DNMT1: variants seen among roughly 807,000 people sequenced by gnomAD.
DNMT1 encodes the protein DNA (cytosine-5)-methyltransferase 1.
DNMT1 carries 24 observed loss-of-function variants against 205.3 expected under a neutral mutation model. The observed-to-expected ratio is 0.12, with a 90% CI of 0.08 to 0.16. The LOEUF (loss-of-function observed/expected upper bound fraction) is 0.16. DNMT1 is among the 10% of genes least tolerant of loss of function. The pLI, the probability that DNMT1 is intolerant of heterozygous loss-of-function variation, is 1.00. For synonymous variants in DNMT1, 817 were observed against 839.8 expected (o/e 0.97, Z 0.47); for missense variants, 1,293 against 2,177.7 (o/e 0.59, Z 8.09).
At chr19:10,148,418 C>T (rs1384737951) in intron 27 of DNMT1, among the ~76,000 whole-genome samples, 1 of 150,668 alleles carries the variant, frequency 6.6e-6, no homozygotes, top group Non-Finnish European at 1.5e-5. Flanking sequence ...ATGGCATGAA[C>T]CCAGGAAGCT....
rs1394605344 is a variant in DNMT1 at position 10,137,793 on chromosome 19, G to A, written c.4293+39C>T. 1.9e-6 allele frequency: 3 copies of A among 1,601,660 alleles called. No individual in the cohort carries two copies. The highest frequency in any genetic ancestry group is 2.6e-6 in the Non-Finnish European group (3 of 1,174,990). ...ACTGTTCCCACGAGGCTGCTGGGCTGGGCCTCGAGGAGGAGCCGCTCTGTC... is the reference window on the plus strand; with the variant it reads ...ACTGTTCCCACGAGGCTGCTGGGCTAGGCCTCGAGGAGGAGCCGCTCTGTC... On this transcript the variant is annotated intron_variant, in intron 36 of 40. Transcript: ENST00000359526. The surrounding 1 kb of genome is among the most constrained non-coding windows in gnomAD (Gnocchi z 6.4).
At chr19:10,158,436 G>A (rs1469738147) in intron 17 of DNMT1, among the ~76,000 whole-genome samples, 1 of 152,206 alleles carries the variant, frequency 6.6e-6, no homozygotes, top group Non-Finnish European at 1.5e-5. Context: ...GCCTGGGGGT[G>A]CTTCCAACAG....
chr19:10,176,276 C>G (rs1346766118), intron 6 of DNMT1, among the ~76,000 whole-genome samples: 1 of 152,044 alleles, frequency 6.6e-6, no homozygotes, highest in Non-Finnish European at 1.5e-5. Flanking sequence ...TGGAACACCA[C>G]AAGGATGCAA....
chr19:10,166,489 G>A, intron 11 of DNMT1, 109 bp downstream of exon 11: 1 of 1,354,142 alleles, frequency 7.4e-7, no homozygotes, highest in Non-Finnish European at 1.0e-6. Flanking sequence ...ATGGAGCCTG[G>A]GTGGATGGGG....
Position 10,149,661 on chromosome 19 carries a change from GA to G in DNMT1, c.2382-5del. 1 of 1,613,524 alleles carries G rather than the reference GA, an allele frequency of 6.2e-7. No homozygotes were observed. The highest frequency in any genetic ancestry group is 8.5e-7 in the Non-Finnish European group (1 of 1,180,048). On this transcript the variant is annotated splice_polypyrimidine_tract_variant and splice_region_variant and intron_variant, in intron 25 of 40. Coordinates refer to ENST00000359526, the MANE Select transcript of DNMT1 (RefSeq NM_001130823.3). Reference sequence around the variant, plus strand: ...GTCCTCCCACAGCGCCGTGACCCTGGAATCAGAAGACGGGCATGGGGAGAAA... The same window carrying G: ...GTCCTCCCACAGCGCCGTGACCCTGGATCAGAAGACGGGCATGGGGAGAAA...
intron 6 of DNMT1, 82 bp downstream of exon 6, chr19:10,177,210 A>C: frequency 7.9e-7 from 1 of 1,270,966 alleles, no homozygotes. Flanking sequence ...GGAAGACAGA[A>C]TTGCCACGTG....
At position 10,149,555 on chromosome 19, in the gene DNMT1, C is replaced by T. The variant is rs749306478; in HGVS notation, c.2484G>A (p.Leu828=). Reference sequence around the variant, plus strand: ...CACATTCATCCACCAAGAACAGCTCCAGAGGGTCCGACGTGGCCCCGAGGA... The same window carrying T: ...CACATTCATCCACCAAGAACAGCTCTAGAGGGTCCGACGTGGCCCCGAGGA... ...DTVLGATSDP[L]ELFLVDECED... is the part of the protein sequence containing the mutation. The change falls in exon 26 of 41, where the codon CTG becomes CTA. Residue 828 remains leucine (L), a synonymous_variant. Transcript: ENST00000359526. 1 of 1,614,004 alleles carries T rather than the reference C, an allele frequency of 6.2e-7. No homozygotes were observed. The highest frequency in any genetic ancestry group is 8.5e-7 in the Non-Finnish European group (1 of 1,180,002).
rs2145299853 is a variant in DNMT1, at chr19:10,151,836, C to A, written c.2031G>T (p.Gln677His). The stretch of plus-strand genomic sequence containing the variant: ...AGGCTTTACATTTCCCACACTCAGG[C>A]TGCTGACACACCTAAAAAATGGCAT... ...RRCGVCEVCQ[Q>H]PECGKCKACK... Residue 677 changes from glutamine (Q) to histidine (H), a missense_variant, in exon 23 of 41, where the codon CAG (glutamine) becomes CAT (histidine). Gln to His is a conservative substitution (Grantham distance 24). Coordinates refer to ENST00000359526, the MANE Select transcript of DNMT1 (RefSeq NM_001130823.3). The surrounding 1 kb of genome is among the most constrained non-coding windows in gnomAD (Gnocchi z 5.0). 1 of 1,614,094 alleles carries A rather than the reference C, an allele frequency of 6.2e-7. No homozygotes were observed. Among genetic ancestry groups the A allele is most frequent in the Non-Finnish European group, 8.5e-7 (1 of 1,180,014 alleles).
intron 9 of DNMT1, among the ~76,000 whole-genome samples, chr19:10,172,717 G>A (rs1330226443): frequency 6.6e-6 from 1 of 151,400 alleles, no homozygotes; most frequent in Non-Finnish European, 1.5e-5. Context: ...CAAGAGGCTG[G>A]GACATGAGAA....
intron 9 of DNMT1, among the ~76,000 whole-genome samples, chr19:10,172,319 G>A (rs2145357147): frequency 6.7e-6 from 1 of 148,600 alleles, no homozygotes; most frequent in Admixed American, 6.9e-5. Context: ...GGAGGCTGAG[G>A]CACAAGAACC....
intron 22 of DNMT1, among the ~76,000 whole-genome samples, chr19:10,152,144 G>A (rs1261192586): frequency 1.9e-4 from 6 of 31,132 alleles, no homozygotes; most frequent in African/African-American, 8.2e-4. Context: ...TGGACGACAA[G>A]AGTAAAACTC....
chr19:10,161,920 C>T (rs2038577551), intron 13 of DNMT1, among the ~76,000 whole-genome samples: 1 of 151,744 alleles, frequency 6.6e-6, no homozygotes, highest in African/African-American at 2.4e-5. Context: ...CGGCTCACTG[C>T]AACCTCTACC....
chr19:10,176,013 C>A (rs1464295616), intron 6 of DNMT1, among the ~76,000 whole-genome samples: 1 of 152,102 alleles, frequency 6.6e-6, no homozygotes, highest in Non-Finnish European at 1.5e-5. Context: ...ACCAAAAATA[C>A]AAACATTAGC....
chr19:10,155,909 T>G lies in DNMT1; in HGVS notation c.1436A>C (p.Glu479Ala), dbSNP rs374027926. 4.3e-5 allele frequency: 69 copies of G among 1,613,680 alleles called. No individual in the cohort carries two copies. The highest frequency in any genetic ancestry group is 7.6e-6 in the Non-Finnish European group (9 of 1,179,900). Residue 479 changes from glutamate to alanine, a missense_variant, in exon 19 of 41, where the codon GAA becomes GCA. By Grantham distance (107) the Glu-to-Ala change is moderately radical. Coordinates refer to ENST00000359526, the MANE Select transcript of DNMT1 (RefSeq NM_001130823.3). ...TCCATCAAAGCCAGTGATCCACCAT[T>G]CATTTATGGGGCCAAGATTTTTGCC... Reference protein sequence around the residue: ...VNGKNLGPINEWWITGFDGGE... With the variant: ...VNGKNLGPINAWWITGFDGGE...
intron 27 of DNMT1, 92 bp downstream of exon 27, chr19:10,148,792 T>TGGCGGAAGCCAACCA: frequency 1.2e-6 from 2 of 1,607,524 alleles, no homozygotes; most frequent in Non-Finnish European, 1.7e-6. Flanking sequence ...GGGGGGCCGT[T>TGGCGGAAGCCAACCA]GGCGGAAGCC....
intron 1 of DNMT1, among the ~76,000 whole-genome samples, chr19:10,194,021 C>A (rs2039353712): frequency 1.3e-5 from 2 of 152,222 alleles, no homozygotes; most frequent in Admixed American, 1.3e-4. Context: ...AAAGAACACA[C>A]CCATGAACAC....
chr19:10,187,823 C>T (rs576956483), intron 1 of DNMT1, among the ~76,000 whole-genome samples: 2 of 151,338 alleles, frequency 1.3e-5, no homozygotes, highest in South Asian at 4.2e-4. Context: ...AGCAACACAG[C>T]GAGACCCTGT....
rs772752543 is a variant in DNMT1, at chr19:10,140,276, C to T, written c.3576G>A (p.Ala1192=). The change falls in exon 33 of 41, where the codon GCG becomes GCA. Residue 1192 remains alanine, a synonymous_variant. Transcript: ENST00000359526. This position sits in a 1 kb window ranked among gnomAD's most constrained non-coding sequence, Gnocchi z 8.4. ...TGGAGCCGGGGTTGTTCAGCCGGAA[C>T]GCCTGGGCCGCAGGGTCCCACATCT... The part of the protein sequence containing the change: ...AIEMWDPAAQ[A]FRLNNPGSTV... 108 of 1,614,010 alleles carry T rather than the reference C, an allele frequency of 6.7e-5. No homozygotes were observed. Among genetic ancestry groups the T allele is most frequent in the Admixed American group, 8.3e-5 (5 of 60,012 alleles).
chr19:10,137,739 C>T lies in DNMT1; in HGVS notation c.4293+93G>A, dbSNP rs1373195411. 4.6e-6 allele frequency: 7 copies of T among 1,511,052 alleles called. No individual in the cohort carries two copies. The East Asian group carries it at 1.7e-4, about 36-fold the overall frequency. The allele number at this position is 1,511,052 out of a possible 1,614,324, so 93.6% of individuals were successfully genotyped here. ...GGAGGAGGAGCCTGGGATCAGATTC[C>T]ATGTCTCCCCTGAGTCTTGGGCAGG... On this transcript the variant is annotated intron_variant, in intron 36 of 40. Transcript: ENST00000359526. The surrounding 1 kb of genome is among the most constrained non-coding windows in gnomAD (Gnocchi z 6.4).
Sources: gnomAD v4.1 joint callset for allele counts (sites outside exome capture counted in the v4.1 genomes callset) on GRCh38, gnomAD v4.1.1 for gene constraint, Gnocchi (gnomAD v3.1) non-coding constraint, MANE v1.5 for transcripts, NCBI Gene and HGNC (gene_info 2026-07-23, HGNC 2026-07-21) for gene names.